The following GRM7 variants were observed in gnomAD, a reference collection of about 807,000 sequenced individuals.
GRM7 encodes the protein metabotropic glutamate receptor 7.
In GRM7, 35 loss-of-function variants were observed where a neutral mutation model predicts 84.5. The observed-to-expected ratio is 0.41, with a 90% CI of 0.32 to 0.55. The LOEUF (loss-of-function observed/expected upper bound fraction) is 0.55, where lower values mean the gene tolerates loss of function less well. Ranked by LOEUF, GRM7 falls within the 20% of genes least tolerant of loss-of-function variation. GRM7 has a pLI of 0.19. For synonymous variants in GRM7, 487 were observed against 455.1 expected, an observed-to-expected ratio of 1.07 and a Z score of -0.89; for missense variants, 1,003 against 1,194.6, an observed-to-expected ratio of 0.84 and a Z score of 2.36.
intron 1 of GRM7, among the ~76,000 whole-genome samples, chr3:7,032,217 T>A (rs897063860): frequency 6.6e-5 from 10 of 152,200 alleles, no homozygotes; most frequent in Non-Finnish European, 2.9e-5. Context: ...TGGAGAGGAA[T>A]GTAGAATCTA....
At chr3:7,026,534 G>T (rs1293177757) in intron 1 of GRM7, among the ~76,000 whole-genome samples, 3 of 152,152 alleles carry the variant, frequency 2.0e-5, no homozygotes, top group Non-Finnish European at 4.4e-5. Flanking sequence ...GATTAAATTT[G>T]CCTTTAATAA....
At chr3:6,964,694 T>C (rs1173738732) in intron 1 of GRM7, among the ~76,000 whole-genome samples, 1 of 152,204 alleles carries the variant, frequency 6.6e-6, no homozygotes, top group Non-Finnish European at 1.5e-5. Context: ...TTTCCTCTCC[T>C]CAAAGATAGT....
At position 6,943,633 on chromosome 3, in the gene GRM7, T is replaced by A. The variant is rs574420683; in HGVS notation, c.519+81726T>A. Among the ~76,000 whole-genome samples, 4 of 152,080 alleles carry A rather than the reference T, an allele frequency of 2.6e-5. No individual in the cohort carries two copies. The East Asian group carries it at 7.7e-4, about 29-fold the overall frequency. ...TATTGAAGTTGAGTAATATGGATCA[T>A]TTAGCTTTGTTCTTTAAGGTTATGT... is the stretch of plus-strand genomic sequence containing the variant. On this transcript the variant is annotated intron_variant, in intron 1 of 9. Transcript: ENST00000357716.
chr3:6,861,487 C>A lies in GRM7; in HGVS notation c.99C>A (p.Arg33=), dbSNP rs116111799. Residue 33 remains arginine, a synonymous_variant, in exon 1 of 10, where the codon CGC becomes CGA. Coordinates refer to ENST00000357716, the MANE Select transcript of GRM7 (RefSeq NM_000844.4). This position sits in a 1 kb window ranked among gnomAD's most constrained non-coding sequence, Gnocchi z 6.4. ...TGTGCGCGCTGGCGGCGGCGGCGCG[C>A]GGCCAGGAGATGTACGCCCCGCACT... ...VLLCALAAAA[R]GQEMYAPHSI... 2.6e-3 allele frequency: 4,105 copies of A among 1,579,588 alleles called. 99 individuals are homozygous for A. The African/African-American group carries it at 0.049, about 19-fold the overall frequency.
intron 1 of GRM7, among the ~76,000 whole-genome samples, chr3:6,958,359 T>C (rs1279452946): frequency 6.6e-6 from 1 of 152,170 alleles, no homozygotes; most frequent in Non-Finnish European, 1.5e-5. Flanking sequence ...TGATAAATTA[T>C]TTACTTTTTT....
At chr3:7,518,364 G>C (rs1023687332) in intron 7 of GRM7, among the ~76,000 whole-genome samples, 2 of 152,174 alleles carry the variant, frequency 1.3e-5, no homozygotes, top group African/African-American at 4.8e-5. Flanking sequence ...GCATTAGAAA[G>C]CATCACAGAA....
chr3:7,133,312 C>A (rs146034689), intron 1 of GRM7, among the ~76,000 whole-genome samples: 1 of 152,228 alleles, frequency 6.6e-6, no homozygotes, highest in African/African-American at 2.4e-5. Flanking sequence ...GACAGACCTC[C>A]GGCCCAGTAG....
chr3:7,312,049 A>T (rs149043668), intron 4 of GRM7, among the ~76,000 whole-genome samples: 104 of 152,320 alleles, frequency 6.8e-4, no homozygotes, highest in Non-Finnish European at 1.1e-3. Flanking sequence ...TTTCCTTTCA[A>T]GGAGCTTGTT....
At chr3:6,969,784 G>A (rs1209080185) in intron 1 of GRM7, among the ~76,000 whole-genome samples, 1 of 152,172 alleles carries the variant, frequency 6.6e-6, no homozygotes, top group African/African-American at 2.4e-5. Flanking sequence ...AGAGAGTGGT[G>A]GTGGTTTGGT....
Position 7,324,712 on chromosome 3 carries a change from T to C in GRM7, c.1033+18060T>C, listed in dbSNP as rs961826527. Among the ~76,000 whole-genome samples the C allele has an allele frequency of 2.6e-5, 4 of 152,184 alleles. No individual in the cohort carries two copies. The South Asian group carries it at 6.2e-4, about 24-fold the overall frequency. On this transcript the variant is annotated intron_variant, in intron 4 of 9. Transcript: ENST00000357716. ...GCTAAGGAATTCTGGCATCTCGACT[T>C]CATTTAAAGCCGTTGCTTTTTTTTC...
At chr3:6,906,708 A>G (rs1033617198) in intron 1 of GRM7, among the ~76,000 whole-genome samples, 4 of 152,170 alleles carry the variant, frequency 2.6e-5, no homozygotes, top group African/African-American at 9.6e-5. Flanking sequence ...TTCAAGGAGT[A>G]TAATATACAG....
At position 7,649,122 on chromosome 3, in the gene GRM7, T is replaced by G. The variant is rs933081601; in HGVS notation, c.2452-30927T>G. Among the ~76,000 whole-genome samples the G allele has an allele frequency of 4.0e-5, 6 of 151,738 alleles. No individual in the cohort carries two copies. The East Asian group carries it at 1.2e-3, about 30-fold the overall frequency. ...TCTCGCTCTGTTGCCCAGGCTGGAG[T>G]GCAGTGGTGCGATCTCGGCTCACTG... On this transcript the variant is annotated intron_variant, in intron 8 of 9. Coordinates refer to ENST00000357716, the MANE Select transcript of GRM7 (RefSeq NM_000844.4).
intron 1 of GRM7, among the ~76,000 whole-genome samples, chr3:7,030,412 T>G (rs1696147397): frequency 6.6e-6 from 1 of 152,190 alleles, no homozygotes; most frequent in Admixed American, 6.5e-5. Flanking sequence ...TTTTGGTGAT[T>G]TTCTCACAGA....
At chr3:7,579,416 C>A in intron 8 of GRM7, 59 bp downstream of exon 8, 2 of 956,088 alleles carry the variant, frequency 2.1e-6, no homozygotes, top group Non-Finnish European at 3.1e-6. Flanking sequence ...TTTGTAAGTA[C>A]TGAAACCAAA....
intron 8 of GRM7, among the ~76,000 whole-genome samples, chr3:7,674,077 T>C (rs1418960228): frequency 1.3e-5 from 2 of 151,996 alleles, no homozygotes; most frequent in Non-Finnish European, 2.9e-5. Context: ...AATATAACAA[T>C]AGTATCAGGG....
chr3:7,409,251 T>G (rs1355020771), intron 4 of GRM7, among the ~76,000 whole-genome samples: 5 of 152,234 alleles, frequency 3.3e-5, no homozygotes, highest in Admixed American at 6.5e-5. Context: ...CTGTATGAAC[T>G]TTAAAAGCAA....
intron 1 of GRM7, among the ~76,000 whole-genome samples, chr3:6,961,914 A>G (rs1222712317): frequency 6.6e-6 from 1 of 152,152 alleles, no homozygotes; most frequent in African/African-American, 2.4e-5. Context: ...CCATCTAAAA[A>G]AAAATAAAAT....
At chr3:7,634,557 G>A (rs368325811) in intron 8 of GRM7, among the ~76,000 whole-genome samples, 272 of 147,530 alleles carry the variant, frequency 1.8e-3, no homozygotes, top group African/African-American at 6.3e-3. Context: ...AGGCCGAGGC[G>A]GGTGGATCAC....
chr3:7,004,180 C>G (rs914236780), intron 1 of GRM7, among the ~76,000 whole-genome samples: 1 of 152,088 alleles, frequency 6.6e-6, no homozygotes, highest in Non-Finnish European at 1.5e-5. Flanking sequence ...ACATGTAAGC[C>G]AAACTCAGTG....
Sources: allele counts gnomAD v4.1 joint callset (sites outside exome capture counted in the v4.1 genomes callset), GRCh38; gene constraint gnomAD v4.1.1; non-coding constraint Gnocchi (gnomAD v3.1); transcripts MANE v1.5; gene names NCBI Gene and HGNC (gene_info 2026-07-23, HGNC 2026-07-21).